Variants in DPP6 observed in about 807,000 individuals in gnomAD.
The protein encoded by DPP6 is A-type potassium channel modulatory protein DPP6.
A neutral mutation model predicts 122.6 loss-of-function variants in DPP6; 69 were observed. The observed-to-expected ratio is 0.56, with a 90% CI of 0.46 to 0.69. The LOEUF (loss-of-function observed/expected upper bound fraction) is 0.69, where lower values mean the gene tolerates loss of function less well. Ranked by LOEUF, DPP6 falls within the 30% of genes least tolerant of loss-of-function variation. The pLI is 0.00. For synonymous variants in DPP6, 418 were observed against 433.1 expected (o/e 0.97, Z 0.43); for missense variants, 928 against 1,116.9 (o/e 0.83, Z 2.41).
intron 1 of DPP6, among the ~76,000 whole-genome samples, chr7:154,000,857 G>A (rs1797656307): frequency 6.6e-6 from 1 of 152,112 alleles, no homozygotes; most frequent in Non-Finnish European, 1.5e-5. Context: ...TGGCAGGCTG[G>A]GCACTGACGG....
chr7:154,501,922 G>C (rs773504045), intron 3 of DPP6, among the ~76,000 whole-genome samples: 1 of 143,006 alleles, frequency 7.0e-6, no homozygotes, highest in Non-Finnish European at 1.6e-5. Context: ...CTGAAGGGAG[G>C]CTGTCCCCTG....
intron 16 of DPP6, among the ~76,000 whole-genome samples, chr7:154,837,961 A>C (rs1288652118): frequency 6.6e-6 from 1 of 152,118 alleles, no homozygotes; most frequent in Admixed American, 6.5e-5. Flanking sequence ...TTATATTCAC[A>C]TTCCCCCAAG....
intron 10 of DPP6, among the ~76,000 whole-genome samples, chr7:154,784,482 G>A (rs1473595478): frequency 3.3e-5 from 5 of 152,152 alleles, no homozygotes; most frequent in Admixed American, 1.3e-4. Flanking sequence ...TCACAGCAAC[G>A]TACTTGTTCC....
At chr7:154,457,203 CA>C (rs1820901634) in intron 2 of DPP6, among the ~76,000 whole-genome samples, 1 of 68,836 alleles carries the variant, frequency 1.5e-5, no homozygotes, top group African/African-American at 4.8e-5. Flanking sequence ...TTTATGCAGC[CA>C]AAAAACACAT....
At chr7:154,488,872 C>T (rs1212218849) in intron 3 of DPP6, among the ~76,000 whole-genome samples, 5 of 152,304 alleles carry the variant, frequency 3.3e-5, no homozygotes, top group African/African-American at 1.2e-4. Flanking sequence ...TCCTGTGCAT[C>T]ACTGGGACCT....
chr7:153,815,084 A>G, the DPP6 span, among the ~76,000 whole-genome samples: 1 of 152,190 alleles, frequency 6.6e-6, no homozygotes, highest in Admixed American at 6.5e-5. Context: ...CTCCTATTCA[A>G]CATAGTGTTG....
At chr7:154,191,980 G>A (rs1798636706) in intron 1 of DPP6, among the ~76,000 whole-genome samples, 1 of 152,092 alleles carries the variant, frequency 6.6e-6, no homozygotes, top group East Asian at 1.9e-4. Context: ...AAAGAGGCAG[G>A]AGAAAAAAAA....
intron 1 of DPP6, among the ~76,000 whole-genome samples, chr7:153,999,337 C>T: frequency 6.6e-6 from 1 of 152,234 alleles, no homozygotes; most frequent in Non-Finnish European, 1.5e-5. Flanking sequence ...ACTTACCCTG[C>T]AAGCAGTATG....
At chr7:154,046,821 C>G (rs1425367280) in intron 1 of DPP6, among the ~76,000 whole-genome samples, 2 of 152,144 alleles carry the variant, frequency 1.3e-5, no homozygotes, top group African/African-American at 4.8e-5. Context: ...CACACTCAAC[C>G]CTCCCTAAAT....
chr7:154,720,338 G>A (rs779584780), intron 7 of DPP6, among the ~76,000 whole-genome samples: 7 of 152,168 alleles, frequency 4.6e-5, no homozygotes, highest in Non-Finnish European at 8.8e-5. Flanking sequence ...AAAAGCCTGC[G>A]AGTGTCCCCA....
intron 1 of DPP6, among the ~76,000 whole-genome samples, chr7:154,216,191 G>A (rs986439940): frequency 1.3e-5 from 2 of 152,188 alleles, no homozygotes; most frequent in African/African-American, 2.4e-5. Flanking sequence ...AACTCAGGGA[G>A]GAGACCACAA....
At chr7:154,801,587 G>A (rs111497175) in intron 13 of DPP6, 125 bp downstream of exon 13, 134 of 1,361,874 alleles carry the variant, frequency 9.8e-5, no homozygotes, top group East Asian at 7.6e-4. Context: ...GGTGGTTCCC[G>A]AAGGCAGGGC....
the DPP6 span, among the ~76,000 whole-genome samples, chr7:153,749,021 C>A: frequency 6.6e-6 from 1 of 152,100 alleles, no homozygotes; most frequent in Non-Finnish European, 1.5e-5. This position sits in a 1 kb window ranked among gnomAD's most constrained non-coding sequence, Gnocchi z 4.1. Context: ...AAGGGACCAG[C>A]GACGGAGGGG....
chr7:154,615,514 C>T (rs931769600), intron 5 of DPP6, among the ~76,000 whole-genome samples: 7 of 152,258 alleles, frequency 4.6e-5, no homozygotes, highest in South Asian at 2.1e-4. Flanking sequence ...ATACACATAA[C>T]GTTTATTATT....
At position 154,370,575 on chromosome 7, in the gene DPP6, G is replaced by A. The variant is rs116840953; in HGVS notation, c.244-75639G>A. Among the ~76,000 whole-genome samples, 1,287 of 152,250 alleles carry A rather than the reference G, an allele frequency of 8.5e-3. 13 individuals carry two copies. Among genetic ancestry groups the A allele is most frequent in the Middle Eastern group, 0.034 (10 of 294 alleles). ...CTCTTCGTTGATCTTTGTCCTGTTT[G>A]TATAACCTTTATCTTTTTTGAAAAA... On this transcript the variant is annotated intron_variant, in intron 1 of 25. Coordinates refer to ENST00000377770, the MANE Select transcript of DPP6 (RefSeq NM_130797.4).
intron 1 of DPP6, among the ~76,000 whole-genome samples, chr7:154,184,572 G>A (rs1798260714): frequency 6.6e-6 from 1 of 151,914 alleles, no homozygotes; most frequent in Non-Finnish European, 1.5e-5. Context: ...CCGACCGGCA[G>A]GTATGAATGC....
chr7:154,302,534 A>G (rs1311276829), intron 1 of DPP6, among the ~76,000 whole-genome samples: 1 of 152,196 alleles, frequency 6.6e-6, no homozygotes, highest in Non-Finnish European at 1.5e-5. Context: ...AGATGGGTGA[A>G]TGGCAGAGTA....
At chr7:154,393,326 T>C (rs1485716500) in intron 1 of DPP6, among the ~76,000 whole-genome samples, 1 of 152,166 alleles carries the variant, frequency 6.6e-6, no homozygotes, top group Non-Finnish European at 1.5e-5. Context: ...CTATTAGAAT[T>C]TGTATAGTAG....
chr7:154,394,431 T>C (rs1814899621), intron 1 of DPP6, among the ~76,000 whole-genome samples: 1 of 152,116 alleles, frequency 6.6e-6, no homozygotes, highest in South Asian at 2.1e-4. Flanking sequence ...CATTATTGAA[T>C]TGAGTTGTTT....
Sources: allele counts gnomAD v4.1 joint callset (sites outside exome capture counted in the v4.1 genomes callset), GRCh38; gene constraint gnomAD v4.1.1; non-coding constraint Gnocchi (gnomAD v3.1); transcripts MANE v1.5; gene names NCBI Gene and HGNC (gene_info 2026-07-23, HGNC 2026-07-21).